The following NUTM2E variants were observed in gnomAD, a reference collection of about 807,000 sequenced individuals.
The protein encoded by NUTM2E is family with sequence similarity 22, member E.
NUTM2E carries 3 observed loss-of-function variants against 26.1 expected under a neutral mutation model. That is an observed-to-expected ratio of 0.12 (90% CI 0.05 to 0.30). NUTM2E has a LOEUF of 0.30. Ranked by LOEUF, NUTM2E falls within the 10% of genes least tolerant of loss-of-function variation. The pLI is 1.00. For synonymous variants in NUTM2E, 13 were observed against 157.5 expected (o/e 0.08, Z 6.87); for missense variants, 62 against 381.3 (o/e 0.16, Z 6.97).
chr10:79,836,184 T>C (rs562783666), intron 1 of NUTM2E, among the ~76,000 whole-genome samples: 4 of 151,920 alleles, frequency 2.6e-5, no homozygotes, highest in Admixed American at 2.0e-4. Context: ...TTTATTGTTT[T>C]GTAGAAACTG....
At position 79,839,049 on chromosome 10, in the gene NUTM2E, C is replaced by T. The variant is rs10885539; in HGVS notation, c.-2180C>T. On this transcript the variant is annotated 5_prime_UTR_variant, in exon 3 of 10. Transcript: ENST00000429984. ...TTCCTGGGGCCAGACAACGCCCCCTCATTGGAACCTCCATGACCGTGCCTC... is the reference window on the plus strand; with the variant it reads ...TTCCTGGGGCCAGACAACGCCCCCTTATTGGAACCTCCATGACCGTGCCTC... Among the ~76,000 whole-genome samples the T allele has an allele frequency of 0.87, 128,646 of 147,906 alleles. 56,583 individuals carry two copies. The highest frequency in any genetic ancestry group is 0.95 in the Non-Finnish European group (63,169 of 66,742).
chr10:79,849,737 C>T, intron 9 of NUTM2E, 84 bp from the exon 10 acceptor site: 3 of 502,624 alleles, frequency 6.0e-6, no homozygotes, highest in Non-Finnish European at 1.0e-5. Context: ...TCCCTACCTG[C>T]CGCCTAAGTG....
chr10:79,837,030 A>G (rs1841968266), intron 1 of NUTM2E, among the ~76,000 whole-genome samples: 1 of 151,890 alleles, frequency 6.6e-6, no homozygotes, highest in South Asian at 2.1e-4. Context: ...TCATCTGTAA[A>G]TAAGAATCTG....
rs1303357468 is a variant in NUTM2E at position 79,837,954 on chromosome 10, C to G, written c.-2727-355C>G. Among the ~76,000 whole-genome samples, 2 of 151,286 alleles carry G rather than the reference C, an allele frequency of 1.3e-5. 1 individual carries two copies. The highest frequency in any genetic ancestry group is 2.9e-5 in the Non-Finnish European group (2 of 67,802). On this transcript the variant is annotated intron_variant, in intron 1 of 9. Transcript: ENST00000429984. Reference sequence around the variant, plus strand: ...AGTTCTGGGGATCAGAAAACAAAACCCCCAAATGAAAGCCTCAGCTGCAGC... The same window carrying G: ...AGTTCTGGGGATCAGAAAACAAAACGCCCAAATGAAAGCCTCAGCTGCAGC...
chr10:79,837,996 T>G (rs1589308167), intron 1 of NUTM2E, among the ~76,000 whole-genome samples: 4 of 151,438 alleles, frequency 2.6e-5, no homozygotes, highest in African/African-American at 9.7e-5. Context: ...AACAAACATT[T>G]TTCTCTGACC....
chr10:79,828,179 T>C (rs1384463543), intron 1 of NUTM2E, among the ~76,000 whole-genome samples: 1 of 151,772 alleles, frequency 6.6e-6, no homozygotes, highest in Non-Finnish European at 1.5e-5. Context: ...TTAAGGATAT[T>C]GAAAATGATA....
intron 1 of NUTM2E, among the ~76,000 whole-genome samples, chr10:79,835,954 G>A (rs1589307617): frequency 1.3e-5 from 2 of 150,366 alleles, no homozygotes; most frequent in Middle Eastern, 6.8e-3. Flanking sequence ...AAGTACAAGA[G>A]AATACAAATT....
At chr10:79,827,813 T>G (rs1420998684) in intron 1 of NUTM2E, among the ~76,000 whole-genome samples, 13 of 144,036 alleles carry the variant, frequency 9.0e-5, no homozygotes, top group Non-Finnish European at 1.5e-4. Flanking sequence ...TTTTTTGTTT[T>G]TTTTTGTGAT....
At chr10:79,836,205 A>C (rs531798126) in intron 1 of NUTM2E, among the ~76,000 whole-genome samples, 1 of 151,978 alleles carries the variant, frequency 6.6e-6, no homozygotes, top group African/African-American at 2.4e-5. Flanking sequence ...GGCTTTAAAA[A>C]AAATCAGACC....
intron 1 of NUTM2E, among the ~76,000 whole-genome samples, chr10:79,830,176 T>C (rs1286903482): frequency 6.6e-6 from 1 of 151,548 alleles, no homozygotes; most frequent in African/African-American, 2.4e-5. Flanking sequence ...TAAACTTAAT[T>C]TACATACCAC....
At position 79,839,691 on chromosome 10, in the gene NUTM2E, G is replaced by A. The variant is rs1258117276; in HGVS notation, c.-2050G>A. On this transcript the variant is annotated 5_prime_UTR_variant, in exon 4 of 10. Coordinates refer to ENST00000429984, the MANE Select transcript of NUTM2E (RefSeq NM_001355263.2). ...GCCTTCACATTGATGCAGGCCCAGG[G>A]CCTCAAGTGCAGAGTCTGAGAGCTC... is the stretch of plus-strand genomic sequence containing the variant. 1.3e-5 allele frequency among the ~76,000 whole-genome samples: 2 copies of A among 151,892 alleles called. No homozygotes were observed. The highest frequency in any genetic ancestry group is 4.8e-5 in the African/African-American group (2 of 41,294).
chr10:79,839,086 C>T lies in NUTM2E; in HGVS notation c.-2143C>T, dbSNP rs1346202848. Among the ~76,000 whole-genome samples the T allele has an allele frequency of 2.0e-5, 3 of 151,316 alleles. No individual in the cohort carries two copies. The highest frequency in any genetic ancestry group is 7.3e-5 in the African/African-American group (3 of 41,202). On this transcript the variant is annotated 5_prime_UTR_variant, in exon 3 of 10. Coordinates refer to ENST00000429984, the MANE Select transcript of NUTM2E (RefSeq NM_001355263.2). ...CATGACCGTGCCTCTGAGAAACCAGCGCGTCCGCAACGATCACTCCTAATT... is the reference window on the plus strand; with the variant it reads ...CATGACCGTGCCTCTGAGAAACCAGTGCGTCCGCAACGATCACTCCTAATT...
At chr10:79,836,863 GAAAAACAAAAAC>G in intron 1 of NUTM2E, among the ~76,000 whole-genome samples, 1 of 151,884 alleles carries the variant, frequency 6.6e-6, no homozygotes, top group South Asian at 2.1e-4. Context: ...TTCATGCCCA[GAAAAACAAAAAC>G]AAAAACAAAA....
chr10:79,832,745 C>T (rs397787542), intron 1 of NUTM2E, among the ~76,000 whole-genome samples: 2 of 151,710 alleles, frequency 1.3e-5, no homozygotes, highest in East Asian at 1.9e-4. Context: ...AACAAAAAGC[C>T]TATATCTTTG....
intron 1 of NUTM2E, among the ~76,000 whole-genome samples, chr10:79,836,889 A>G (rs1269530760): frequency 6.6e-6 from 1 of 151,998 alleles, no homozygotes; most frequent in East Asian, 1.9e-4. Flanking sequence ...AACAAAAACT[A>G]TGGGAACTTT....
chr10:79,837,128 T>C (rs1841968817), intron 1 of NUTM2E, among the ~76,000 whole-genome samples: 1 of 151,982 alleles, frequency 6.6e-6, no homozygotes, highest in African/African-American at 2.4e-5. Context: ...GACTTTTTCA[T>C]AGTCAGAGCC....
At chr10:79,828,752 C>A (rs1410819927) in intron 1 of NUTM2E, among the ~76,000 whole-genome samples, 1 of 151,796 alleles carries the variant, frequency 6.6e-6, no homozygotes, top group Non-Finnish European at 1.5e-5. Flanking sequence ...TTATACATAT[C>A]CTTCCCATGA....
At chr10:79,834,302 C>G (rs1424448035) in intron 1 of NUTM2E, among the ~76,000 whole-genome samples, 2 of 151,456 alleles carry the variant, frequency 1.3e-5, no homozygotes, top group Non-Finnish European at 2.9e-5. Flanking sequence ...ACATGTATAC[C>G]TATGTAACAA....
At chr10:79,831,514 A>C (rs1841926768) in intron 1 of NUTM2E, among the ~76,000 whole-genome samples, 1 of 151,564 alleles carries the variant, frequency 6.6e-6, no homozygotes, top group Admixed American at 6.6e-5. Flanking sequence ...AAAAAGTATC[A>C]TTTGATATGA....
Sources: gnomAD v4.1 joint callset for allele counts (sites outside exome capture counted in the v4.1 genomes callset) on GRCh38, gnomAD v4.1.1 for gene constraint, MANE v1.5 for transcripts, NCBI Gene and HGNC (gene_info 2026-07-23, HGNC 2026-07-21) for gene names.